The following LPAR3 variants were observed in gnomAD, a reference collection of about 807,000 sequenced individuals.
LPAR3 encodes the protein lysophosphatidic acid receptor 3.
Under a neutral mutation model 17.8 loss-of-function variants are expected in LPAR3, and 7 were observed. That is an observed-to-expected ratio of 0.39 (90% CI 0.22 to 0.74). The LOEUF (loss-of-function observed/expected upper bound fraction) is 0.74, where lower values mean the gene tolerates loss of function less well. Ranked by LOEUF, LPAR3 falls within the 30% of genes least tolerant of loss-of-function variation. LPAR3 has a pLI of 0.40. For synonymous variants in LPAR3, 179 were observed against 179.9 expected (o/e 0.99, Z 0.04); for missense variants, 391 against 453.4 (o/e 0.86, Z 1.25).
intron 1 of LPAR3, among the ~76,000 whole-genome samples, chr1:84,886,590 C>T (rs569206981): frequency 6.6e-6 from 1 of 152,202 alleles, no homozygotes; most frequent in South Asian, 2.1e-4. Context: ...ATTTTAGGTA[C>T]TCTTATCACA....
At chr1:84,825,018 T>C (rs1233519238) in intron 2 of LPAR3, among the ~76,000 whole-genome samples, 2 of 152,198 alleles carry the variant, frequency 1.3e-5, no homozygotes, top group African/African-American at 4.8e-5. Flanking sequence ...GACTAGAGTG[T>C]GAGTTTTAAA....
intron 1 of LPAR3, among the ~76,000 whole-genome samples, chr1:84,873,230 C>G (rs977153566): frequency 2.6e-5 from 4 of 152,002 alleles, no homozygotes; most frequent in Non-Finnish European, 4.4e-5. Context: ...TTAACATATC[C>G]CTATCAGTTC....
Position 84,830,774 on chromosome 1 carries a change from T to C in LPAR3, c.737-16603A>G, listed in dbSNP as rs573276241. Among the ~76,000 whole-genome samples, 11 of 152,286 alleles carry C rather than the reference T, an allele frequency of 7.2e-5. No individual in the cohort carries two copies. The South Asian group carries it at 1.9e-3, about 26-fold the overall frequency. The stretch of plus-strand genomic sequence containing the variant: ...AAATGTGCTCCCTGCCAGGATTTCA[T>C]GTAGAATGGCTCACTCCATTCTACT... On this transcript the variant is annotated intron_variant, in intron 2 of 2. Transcript: ENST00000370611.
chr1:84,862,396 C>T (rs953409954), intron 2 of LPAR3, among the ~76,000 whole-genome samples: 1 of 152,176 alleles, frequency 6.6e-6, no homozygotes, highest in Non-Finnish European at 1.5e-5. Context: ...AATATGTGAA[C>T]TCTAGAGGCC....
chr1:84,863,815 C>T (rs1173879873), intron 2 of LPAR3, among the ~76,000 whole-genome samples: 1 of 152,198 alleles, frequency 6.6e-6, no homozygotes, highest in East Asian at 1.9e-4. Context: ...CCCAAAACCT[C>T]CTCCTCTTCA....
chr1:84,839,675 A>ACGT (rs1224966686), intron 2 of LPAR3, among the ~76,000 whole-genome samples: 5 of 124,096 alleles, frequency 4.0e-5, no homozygotes, highest in African/African-American at 1.7e-4. Context: ...CTAAATAAAT[A>ACGT]AATACGTAAA....
At chr1:84,822,186 T>C (rs952552612) in intron 2 of LPAR3, among the ~76,000 whole-genome samples, 3 of 152,128 alleles carry the variant, frequency 2.0e-5, no homozygotes, top group Admixed American at 6.5e-5. Flanking sequence ...TCAGTTATAT[T>C]GATAAGAAGC....
chr1:84,861,018 C>T (rs1018668546), intron 2 of LPAR3, among the ~76,000 whole-genome samples: 7 of 152,126 alleles, frequency 4.6e-5, no homozygotes, highest in Non-Finnish European at 8.8e-5. Flanking sequence ...GAATTATAGG[C>T]GTGAGCCACC....
chr1:84,878,456 A>T (rs1439618724), intron 1 of LPAR3, among the ~76,000 whole-genome samples: 1 of 152,044 alleles, frequency 6.6e-6, no homozygotes, highest in Non-Finnish European at 1.5e-5. Flanking sequence ...ATTATTGCTT[A>T]AGTTATTTCC....
chr1:84,871,925 C>T (rs2102768173), intron 1 of LPAR3, among the ~76,000 whole-genome samples: 1 of 152,298 alleles, frequency 6.6e-6, no homozygotes, highest in East Asian at 1.9e-4. Context: ...CCACCCGCTG[C>T]TGCACTTAAG....
chr1:84,891,785 G>A (rs565092718), intron 1 of LPAR3, among the ~76,000 whole-genome samples: 10 of 152,336 alleles, frequency 6.6e-5, no homozygotes, highest in Admixed American at 1.3e-4. Flanking sequence ...AGTTGGAACC[G>A]TGAGAAAGCC....
intron 1 of LPAR3, among the ~76,000 whole-genome samples, chr1:84,884,513 T>C (rs60786615): frequency 0.06 from 9,086 of 152,232 alleles, 402 homozygotes; most frequent in African/African-American, 0.12. Context: ...AAAATCTATA[T>C]AATCAAATGA....
chr1:84,857,901 A>G (rs989536929), intron 2 of LPAR3, among the ~76,000 whole-genome samples: 4 of 152,230 alleles, frequency 2.6e-5, no homozygotes, highest in Non-Finnish European at 5.9e-5. Context: ...AATAAAACAT[A>G]TAAGTTACTC....
intron 1 of LPAR3, among the ~76,000 whole-genome samples, chr1:84,868,741 T>G (rs1339355925): frequency 6.6e-6 from 1 of 152,142 alleles, no homozygotes; most frequent in Non-Finnish European, 1.5e-5. Context: ...GACACAGCAT[T>G]TGCCCCCTTC....
rs1331506075 is a variant in LPAR3 at position 84,813,801 on chromosome 1, T to C, written c.*45A>G. On this transcript the variant is annotated 3_prime_UTR_variant, in exon 3 of 3. Coordinates refer to ENST00000370611, the MANE Select transcript of LPAR3 (RefSeq NM_012152.3). The stretch of plus-strand genomic sequence containing the variant: ...GAGACAGGTAATCATTCTTAACAGC[T>C]CTTTTCCCAGAGGAGGCCTGGGTGG... The C allele has an allele frequency of 8.2e-6, 12 of 1,466,940 alleles. No homozygotes were observed. The highest frequency in any genetic ancestry group is 9.4e-6 in the Non-Finnish European group (10 of 1,058,790). The allele number at this position is 1,466,940 out of a possible 1,614,324, so 90.9% of individuals were successfully genotyped here.
At chr1:84,875,433 C>G (rs1660238870) in intron 1 of LPAR3, among the ~76,000 whole-genome samples, 1 of 152,112 alleles carries the variant, frequency 6.6e-6, no homozygotes, top group Non-Finnish European at 1.5e-5. Flanking sequence ...AATGGATTAA[C>G]ACTGTTACTG....
At chr1:84,846,897 G>A (rs1659603652) in intron 2 of LPAR3, among the ~76,000 whole-genome samples, 1 of 152,138 alleles carries the variant, frequency 6.6e-6, no homozygotes, top group South Asian at 2.1e-4. Context: ...TCCTACAAGA[G>A]TTTTAATGTG....
intron 2 of LPAR3, among the ~76,000 whole-genome samples, chr1:84,859,900 T>A (rs1659905819): frequency 1.3e-5 from 2 of 152,242 alleles, no homozygotes; most frequent in Admixed American, 6.5e-5. Flanking sequence ...GACAATAAAT[T>A]AGACGTTTCC....
At chr1:84,828,670 C>T (rs1659215998) in intron 2 of LPAR3, among the ~76,000 whole-genome samples, 2 of 152,136 alleles carry the variant, frequency 1.3e-5, no homozygotes, top group Non-Finnish European at 2.9e-5. Context: ...CCCATGGCCA[C>T]CCCCTCCAGG....
Sources: allele counts gnomAD v4.1 joint callset (sites outside exome capture counted in the v4.1 genomes callset), GRCh38; gene constraint gnomAD v4.1.1; transcripts MANE v1.5; gene names NCBI Gene and HGNC (gene_info 2026-07-23, HGNC 2026-07-21).